TMEM182: variants seen among roughly 807,000 people sequenced by gnomAD.
TMEM182 encodes the protein transmembrane protein 182.
Under a neutral mutation model 26.8 loss-of-function variants are expected in TMEM182, and 20 were observed. The observed-to-expected ratio is 0.75, with a 90% CI of 0.53 to 1.09. The LOEUF (loss-of-function observed/expected upper bound fraction) is 1.09. Ranked by LOEUF, TMEM182 falls within the 50% of genes least tolerant of loss-of-function variation. The pLI is 0.00. For missense variants in TMEM182, 277 were observed against 275.5 expected (o/e 1.01, Z -0.04); for synonymous variants, 109 against 102.2 (o/e 1.07, Z -0.40).
chr2:102,760,608 TTTTG>T (rs984725575), upstream of TMEM182, among the ~76,000 whole-genome samples: 35 of 152,162 alleles, frequency 2.3e-4, no homozygotes, highest in Admixed American at 4.6e-4. Context: ...TCATGTTTTT[TTTTG>T]TTTGTTTGTT....
chr2:102,835,521 G>A (rs1016635454), intron 3 of TMEM182, among the ~76,000 whole-genome samples: 1 of 151,794 alleles, frequency 6.6e-6, no homozygotes, highest in Non-Finnish European at 1.5e-5. Flanking sequence ...GTACAGTCTT[G>A]GTGTTGGGTT....
chr2:102,804,902 A>G (rs1443690990), intron 4 of TMEM182, among the ~76,000 whole-genome samples: 1 of 152,230 alleles, frequency 6.6e-6, no homozygotes, highest in Admixed American at 6.5e-5. Flanking sequence ...TATTTCTAAA[A>G]GTACCTGCTT....
intron 3 of TMEM182, among the ~76,000 whole-genome samples, chr2:102,790,367 C>T (rs1344942352): frequency 6.6e-6 from 1 of 152,196 alleles, no homozygotes; most frequent in Non-Finnish European, 1.5e-5. Flanking sequence ...CGTCAGGCTG[C>T]TTTTGCCTAT....
chr2:102,797,650 G>A (rs896790878), intron 3 of TMEM182: 4 of 520,888 alleles, frequency 7.7e-6, no homozygotes, highest in Non-Finnish European at 1.3e-5. Flanking sequence ...AGCAAGAGGA[G>A]TTGATTGAAG....
At chr2:102,826,556 T>C (rs1683034372) in intron 3 of TMEM182, among the ~76,000 whole-genome samples, 1 of 152,180 alleles carries the variant, frequency 6.6e-6, no homozygotes, top group Non-Finnish European at 1.5e-5. Context: ...AAATAAGTGC[T>C]CAATAAATGT....
At chr2:102,754,750 G>T (rs1409055424) in intron 1 of TMEM182, among the ~76,000 whole-genome samples, 1 of 142,680 alleles carries the variant, frequency 7.0e-6, no homozygotes, top group Non-Finnish European at 1.5e-5. Flanking sequence ...GCAACATTAG[G>T]ATTAGAAATT....
intron 1 of TMEM182, among the ~76,000 whole-genome samples, chr2:102,748,835 C>A (rs1453056469): frequency 6.6e-6 from 1 of 152,164 alleles, no homozygotes; most frequent in Non-Finnish European, 1.5e-5. Flanking sequence ...TCTTTTTACT[C>A]TTTCATTAAG....
chr2:102,840,099 T>TTACATCTGCCAC (rs1186095417), intron 3 of TMEM182, among the ~76,000 whole-genome samples: 1 of 152,168 alleles, frequency 6.6e-6, no homozygotes, highest in African/African-American at 2.4e-5. Context: ...GCTGCAACTT[T>TTACATCTGCCAC]TACATCTGCC....
At chr2:102,742,876 G>A (rs1474599437) in intron 1 of TMEM182, among the ~76,000 whole-genome samples, 1 of 152,060 alleles carries the variant, frequency 6.6e-6, no homozygotes, top group East Asian at 1.9e-4. Flanking sequence ...TTAAAAAAAA[G>A]CTGATGAAAT....
chr2:102,743,000 A>G (rs1679586282), intron 1 of TMEM182, among the ~76,000 whole-genome samples: 1 of 152,216 alleles, frequency 6.6e-6, no homozygotes, highest in Non-Finnish European at 1.5e-5. Context: ...CAGAAAAGGA[A>G]TCCATGAAAA....
chr2:102,743,080 CAG>C (rs1485001711), intron 1 of TMEM182, among the ~76,000 whole-genome samples: 6 of 151,962 alleles, frequency 3.9e-5, no homozygotes, highest in African/African-American at 7.3e-5. Context: ...AATAATGTAA[CAG>C]TGTACCAAGT....
chr2:102,760,205 A>T (rs545105646), upstream of TMEM182, among the ~76,000 whole-genome samples: 2 of 152,258 alleles, frequency 1.3e-5, no homozygotes, highest in South Asian at 4.1e-4. Context: ...AAAGGAAGAG[A>T]GTGTTTGGCT....
chr2:102,796,201 C>T (rs1231603046), intron 3 of TMEM182, among the ~76,000 whole-genome samples: 1 of 152,180 alleles, frequency 6.6e-6, no homozygotes, highest in African/African-American at 2.4e-5. Context: ...TGCCTTCAGG[C>T]CAAATCCATG....
In TMEM182 at chr2:102,817,185, G is replaced by A; in HGVS notation, c.*2217G>A. 1 of 985,278 alleles carries A rather than the reference G, an allele frequency of 1.0e-6. No individual in the cohort carries two copies. Among genetic ancestry groups the A allele is most frequent in the Admixed American group, 6.1e-5 (1 of 16,268 alleles). 61.0% of individuals were successfully genotyped at this position (985,278 alleles called of 1,614,324 possible). ...CAGAGTTATATAGTACATTATTGTA[G>A]CAACCTTATATCTGATTTGAGATAC... On this transcript the variant is annotated 3_prime_UTR_variant, in exon 5 of 5. Coordinates refer to ENST00000412401, the MANE Select transcript of TMEM182 (RefSeq NM_144632.5).
intron 3 of TMEM182, among the ~76,000 whole-genome samples, chr2:102,823,158 G>T (rs1185392301): frequency 6.6e-6 from 1 of 152,136 alleles, no homozygotes; most frequent in Non-Finnish European, 1.5e-5. Context: ...CATCTGGAAG[G>T]TTCCATCTTG....
upstream of TMEM182, among the ~76,000 whole-genome samples, chr2:102,759,803 T>C (rs759501455): frequency 6.6e-6 from 1 of 152,170 alleles, no homozygotes; most frequent in Non-Finnish European, 1.5e-5. Context: ...TTCCTACTTC[T>C]AGATGCACTC....
At chr2:102,777,585 A>G (rs1350628375) in intron 3 of TMEM182, among the ~76,000 whole-genome samples, 1 of 151,964 alleles carries the variant, frequency 6.6e-6, no homozygotes. Context: ...TCGTTTTTCT[A>G]CTACGATAGA....
In TMEM182 at chr2:102,767,534, A is replaced by T. The variant is rs544272345; in HGVS notation, c.331+3107A>T. Among the ~76,000 whole-genome samples, 11 of 152,244 alleles carry T rather than the reference A, an allele frequency of 7.2e-5. No individual in the cohort carries two copies. The South Asian group carries it at 2.3e-3, about 32-fold the overall frequency. ...AGACAATTCAACCCTGAGAGAATTA[A>T]TTTTTTGCCTTCTCAGTGTCCCCAT... On this transcript the variant is annotated intron_variant, in intron 3 of 4. Coordinates refer to ENST00000412401, the MANE Select transcript of TMEM182 (RefSeq NM_144632.5).
At chr2:102,801,816 A>G (rs1415894457) in intron 4 of TMEM182, among the ~76,000 whole-genome samples, 4 of 152,226 alleles carry the variant, frequency 2.6e-5, no homozygotes, top group African/African-American at 7.2e-5. Context: ...GGTCTGGGCT[A>G]TGCCTGTTGC....
Sources: allele counts gnomAD v4.1 joint callset (sites outside exome capture counted in the v4.1 genomes callset), GRCh38; gene constraint gnomAD v4.1.1; transcripts MANE v1.5; gene names NCBI Gene and HGNC (gene_info 2026-07-23, HGNC 2026-07-21).